The following TRPC4AP variants were observed in gnomAD, a reference collection of about 807,000 sequenced individuals.
TRPC4AP encodes transient receptor potential cation channel subfamily C member 4 associated protein.
In TRPC4AP, 45 loss-of-function variants were observed where a neutral mutation model predicts 99.0. The ratio of observed to expected loss-of-function variants is 0.45; its 90% confidence interval spans 0.36 to 0.58. The LOEUF (loss-of-function observed/expected upper bound fraction) is 0.58. Among genes scored for constraint, TRPC4AP ranks in the 20% least tolerant of loss-of-function variants. The pLI is 0.00. For synonymous variants in TRPC4AP, 408 were observed against 385.8 expected (o/e 1.06, Z -0.67); for missense variants, 879 against 985.3 (o/e 0.89, Z 1.44).
At chr20:35,035,351 C>A in intron 7 of TRPC4AP, 43 bp from the exon 8 acceptor site, 1 of 1,588,078 alleles carries the variant, frequency 6.3e-7, no homozygotes, top group Non-Finnish European at 8.6e-7. Context: ...AAAATAGAGA[C>A]CAGCAAAACT....
At chr20:35,050,880 C>G (rs947335724) in intron 5 of TRPC4AP, among the ~76,000 whole-genome samples, 1 of 151,920 alleles carries the variant, frequency 6.6e-6, no homozygotes, top group African/African-American at 2.4e-5. Flanking sequence ...ACCTGTAATC[C>G]CAGCTACCCC....
Position 35,054,987 on chromosome 20 carries a change from T to TA in TRPC4AP, c.516dup (p.Thr173TyrfsTer17). ...GCAGGGGTACTTACACAGACACAGG[T>TA]ATTATACAGGATACTCAAGCAGTCC... On this transcript the variant is annotated frameshift_variant, in exon 5 of 19. Transcript: ENST00000252015. LOFTEE classifies it high-confidence loss of function. 1 of 1,613,638 alleles carries TA rather than the reference T, an allele frequency of 6.2e-7. No individual in the cohort carries two copies. Among genetic ancestry groups the TA allele is most frequent in the Non-Finnish European group, 8.5e-7 (1 of 1,179,728 alleles).
intron 3 of TRPC4AP, among the ~76,000 whole-genome samples, chr20:35,064,919 C>T (rs992893905): frequency 2.0e-5 from 3 of 152,190 alleles, no homozygotes; most frequent in Non-Finnish European, 2.9e-5. Context: ...TTACACCTAA[C>T]GGTCTTGGTA....
At chr20:35,083,777 C>T (rs1406632426) in intron 1 of TRPC4AP, among the ~76,000 whole-genome samples, 1 of 150,118 alleles carries the variant, frequency 6.7e-6, no homozygotes, top group Admixed American at 6.6e-5. Flanking sequence ...AGAGTGTGCC[C>T]CAGGAAAAAG....
intron 1 of TRPC4AP, among the ~76,000 whole-genome samples, chr20:35,080,339 A>G (rs1285743372): frequency 6.8e-6 from 1 of 147,192 alleles, no homozygotes; most frequent in Non-Finnish European, 1.5e-5. Flanking sequence ...CACCTCTACA[A>G]AAAAAAAAAA....
intron 7 of TRPC4AP, among the ~76,000 whole-genome samples, chr20:35,043,919 A>G (rs1189510209): frequency 6.6e-6 from 1 of 152,230 alleles, no homozygotes; most frequent in Non-Finnish European, 1.5e-5. Context: ...GGAGAGACTT[A>G]GTAGATCAAA....
intron 16 of TRPC4AP, among the ~76,000 whole-genome samples, chr20:35,005,137 G>A (rs2082491092): frequency 6.6e-6 from 1 of 152,154 alleles, no homozygotes; most frequent in Non-Finnish European, 1.5e-5. Context: ...CAGACCCTCT[G>A]GGGCAGAAAA....
chr20:35,041,838 G>A (rs1477104404), intron 7 of TRPC4AP, among the ~76,000 whole-genome samples: 1 of 152,146 alleles, frequency 6.6e-6, no homozygotes, highest in East Asian at 1.9e-4. Context: ...ATGTGCAATG[G>A]GGATACTAAT....
rs752940741 is a variant in TRPC4AP at position 35,044,630 on chromosome 20, C to T, written c.740G>A (p.Arg247Gln). ...CTCTGAAATGGTGACAGCCAGAATC[C>T]GGCAGAAATTAGCGAGCTGCTGCTG... ...FDQQQLANFC[R>Q]ILAVTISEMD... The change falls in exon 7 of 19, where the codon CGG becomes CAG. Residue 247 changes from arginine (R) to glutamine (Q), a missense_variant. By Grantham distance (43) the Arg-to-Gln change is conservative (BLOSUM62 1). Around this residue, in one of 3 missense-constraint regions of TRPC4AP, gnomAD observed 603 missense variants for 631.8 expected, o/e 0.95. Coordinates refer to ENST00000252015, the MANE Select transcript of TRPC4AP (RefSeq NM_015638.3). 2.0e-5 allele frequency: 33 copies of T among 1,613,930 alleles called. No individual in the cohort carries two copies. Among genetic ancestry groups the T allele is most frequent in the East Asian group, 2.2e-5 (1 of 44,894 alleles).
At chr20:35,063,276 A>C (rs562080195) in intron 3 of TRPC4AP, among the ~76,000 whole-genome samples, 1 of 152,342 alleles carries the variant, frequency 6.6e-6, no homozygotes, top group Non-Finnish European at 1.5e-5. Context: ...TGAGTCAATT[A>C]AACCTCCTTC....
chr20:35,078,265 C>G, intron 1 of TRPC4AP, 91 bp from the exon 2 acceptor site: 1 of 1,382,160 alleles, frequency 7.2e-7, no homozygotes, highest in Non-Finnish European at 9.9e-7. Context: ...CCAAACCCAC[C>G]CAGGACAGTT....
At chr20:35,012,828 G>A (rs1389926387) in intron 11 of TRPC4AP, among the ~76,000 whole-genome samples, 180 bp downstream of exon 11, 1 of 152,226 alleles carries the variant, frequency 6.6e-6, no homozygotes, top group Non-Finnish European at 1.5e-5. Flanking sequence ...CCTGCCATAA[G>A]GAAGTCTGGA....
At chr20:35,006,131 G>C (rs139169193) in intron 15 of TRPC4AP, among the ~76,000 whole-genome samples, 4 of 152,216 alleles carry the variant, frequency 2.6e-5, no homozygotes, top group Admixed American at 2.6e-4. Flanking sequence ...TAACACACCA[G>C]GCCCAGTCCC....
chr20:35,063,165 A>C (rs962376834), intron 3 of TRPC4AP, among the ~76,000 whole-genome samples: 1 of 152,134 alleles, frequency 6.6e-6, no homozygotes, highest in East Asian at 1.9e-4. Flanking sequence ...CCCTGCTTGC[A>C]CTCACTCTGT....
intron 7 of TRPC4AP, among the ~76,000 whole-genome samples, chr20:35,040,777 G>A (rs762322072): frequency 4.6e-5 from 7 of 151,954 alleles, no homozygotes; most frequent in Non-Finnish European, 7.4e-5. Flanking sequence ...AATTTTTGTC[G>A]CAGATGGCTT....
chr20:35,089,394 T>C (rs2084976109), intron 1 of TRPC4AP, among the ~76,000 whole-genome samples: 1 of 77,060 alleles, frequency 1.3e-5, no homozygotes, highest in Non-Finnish European at 2.5e-5. Flanking sequence ...ACCTGGTTAA[T>C]GTTTTTTTTT....
At chr20:35,085,253 T>C (rs140646600) in intron 1 of TRPC4AP, among the ~76,000 whole-genome samples, 4 of 152,298 alleles carry the variant, frequency 2.6e-5, no homozygotes, top group East Asian at 1.9e-4. Flanking sequence ...GTCCAAATAT[T>C]TGACTTCACA....
At chr20:35,034,713 T>C (rs904117082) in intron 8 of TRPC4AP, among the ~76,000 whole-genome samples, 28 of 152,172 alleles carry the variant, frequency 1.8e-4, no homozygotes, top group African/African-American at 6.3e-4. Flanking sequence ...GGGAGTCTTC[T>C]TATTTAATAG....
chr20:35,082,989 T>C (rs2084687019), intron 1 of TRPC4AP, among the ~76,000 whole-genome samples: 1 of 152,152 alleles, frequency 6.6e-6, no homozygotes, highest in African/African-American at 2.4e-5. Flanking sequence ...CTTCTATTCA[T>C]CATACTGGAG....
Sources: gnomAD v4.1 joint callset for allele counts (sites outside exome capture counted in the v4.1 genomes callset) on GRCh38, gnomAD v4.1.1 for gene constraint, gnomAD v4.1.1 regional missense constraint, MANE v1.5 for transcripts, NCBI Gene and HGNC (gene_info 2026-07-23, HGNC 2026-07-21) for gene names.